The following PTK2 variants were observed in gnomAD, a reference collection of about 807,000 sequenced individuals.
PTK2 encodes focal adhesion kinase 1.
A neutral mutation model predicts 150.1 loss-of-function variants in PTK2; 45 were observed. The ratio of observed to expected loss-of-function variants is 0.30; its 90% CI spans 0.24 to 0.38. The LOEUF is 0.38. Among genes scored for constraint, PTK2 ranks in the 10% least tolerant of loss-of-function variants. The pLI, the probability that PTK2 is intolerant of heterozygous loss-of-function variation, is 1.00. For missense variants in PTK2, 919 were observed against 1,307.3 expected (o/e 0.70, Z 4.58); for synonymous variants, 432 against 449.2 (o/e 0.96, Z 0.48).
chr8:140,961,613 G>C (rs1230632072), intron 1 of PTK2, among the ~76,000 whole-genome samples: 1 of 151,762 alleles, frequency 6.6e-6, no homozygotes, highest in Non-Finnish European at 1.5e-5. Context: ...AGTGAGCCAA[G>C]GTCGCGCCAC....
intron 16 of PTK2, among the ~76,000 whole-genome samples, chr8:140,756,028 G>A (rs2100065486): frequency 6.6e-6 from 1 of 152,020 alleles, no homozygotes; most frequent in Admixed American, 6.6e-5. Context: ...ATATACACAA[G>A]AAAGAAATTC....
At chr8:140,767,979 T>G (rs1031844337) in intron 14 of PTK2, among the ~76,000 whole-genome samples, 1 of 151,802 alleles carries the variant, frequency 6.6e-6, no homozygotes, top group African/African-American at 2.4e-5. Context: ...CCCCCAAGGG[T>G]TAATTCAAAA....
intron 4 of PTK2, among the ~76,000 whole-genome samples, chr8:140,874,141 T>C (rs935980299): frequency 1.1e-4 from 17 of 152,126 alleles, no homozygotes; most frequent in South Asian, 4.1e-4. Context: ...AGCTCTTCCT[T>C]TCTCCCAGTG....
intron 12 of PTK2, 140 bp downstream of exon 12, chr8:140,800,316 GTCC>G: frequency 1.4e-6 from 1 of 713,018 alleles, no homozygotes; most frequent in South Asian, 1.7e-5. Flanking sequence ...AGAAAAATAA[GTCC>G]TCAGATTATA....
At chr8:140,788,132 G>A (rs7837141) in intron 14 of PTK2, among the ~76,000 whole-genome samples, 5,868 of 152,226 alleles carry the variant, frequency 0.039, 304 homozygotes, top group African/African-American at 0.11. Context: ...AAGAAGTCAC[G>A]ATTAAGCTTA....
chr8:140,701,087 T>C, intron 25 of PTK2, 65 bp from the exon 29 acceptor site: 1 of 1,486,858 alleles, frequency 6.7e-7, no homozygotes, highest in Non-Finnish European at 9.0e-7. Context: ...CTTACCTTGT[T>C]TTATGTGTCT....
intron 5 of PTK2, among the ~76,000 whole-genome samples, chr8:140,847,211 G>A (rs1244059483): frequency 1.3e-5 from 2 of 152,174 alleles, no homozygotes; most frequent in Non-Finnish European, 2.9e-5. Flanking sequence ...TTGGACTCCA[G>A]TGAAAAGGCA....
At chr8:140,745,699 C>T (rs1470573391) in intron 18 of PTK2, among the ~76,000 whole-genome samples, 1 of 152,076 alleles carries the variant, frequency 6.6e-6, no homozygotes, top group Non-Finnish European at 1.5e-5. Flanking sequence ...CAATTACTCA[C>T]ATTTTTAAAA....
At chr8:140,929,293 A>G (rs2100170875) in intron 1 of PTK2, among the ~76,000 whole-genome samples, 1 of 152,176 alleles carries the variant, frequency 6.6e-6, no homozygotes, top group Non-Finnish European at 1.5e-5. Context: ...AAATGTTAAA[A>G]CCATTTTTAA....
chr8:140,697,865 T>G (rs977347137), intron 26 of PTK2, among the ~76,000 whole-genome samples: 4,729 of 133,408 alleles, frequency 0.035, 98 homozygotes, highest in Non-Finnish European at 0.055. Flanking sequence ...TTTTTTTTTT[T>G]TTTTTTTTTT....
intron 14 of PTK2, among the ~76,000 whole-genome samples, chr8:140,787,512 T>G (rs949902610): frequency 6.6e-6 from 1 of 152,070 alleles, no homozygotes; most frequent in Admixed American, 6.6e-5. Context: ...AAAGTGGGGG[T>G]TGGCTGGAAG....
intron 20 of PTK2, among the ~76,000 whole-genome samples, chr8:140,739,643 T>C (rs1431397046): frequency 6.6e-6 from 1 of 152,204 alleles, no homozygotes; most frequent in East Asian, 1.9e-4. Flanking sequence ...CTCATTCTGA[T>C]AGGTTCCATT....
intron 2 of PTK2, chr8:140,920,688 A>G: frequency 1.1e-5 from 11 of 960,320 alleles, no homozygotes; most frequent in Non-Finnish European, 1.4e-5. Context: ...TACCAAATCT[A>G]TTTCCATTTT....
At chr8:140,784,521 T>G (rs1047122629) in intron 14 of PTK2, among the ~76,000 whole-genome samples, 1 of 152,152 alleles carries the variant, frequency 6.6e-6, no homozygotes, top group East Asian at 1.9e-4. Context: ...CTTTACTCAT[T>G]GATTTGGAAA....
chr8:140,933,141 G>A (rs1462666242), intron 1 of PTK2, among the ~76,000 whole-genome samples: 4 of 150,176 alleles, frequency 2.7e-5, no homozygotes, highest in African/African-American at 4.9e-5. Flanking sequence ...GTGAGCCACC[G>A]CACATGGCCC....
chr8:140,950,880 T>C (rs540086659), intron 1 of PTK2, among the ~76,000 whole-genome samples: 6 of 152,254 alleles, frequency 3.9e-5, no homozygotes, highest in Non-Finnish European at 5.9e-5. Context: ...ACAGGCTCCA[T>C]AGATTTTGGT....
chr8:140,960,516 C>A (rs2100182767), intron 1 of PTK2, among the ~76,000 whole-genome samples: 1 of 151,726 alleles, frequency 6.6e-6, no homozygotes, highest in East Asian at 1.9e-4. Context: ...CCCATTTTAA[C>A]CCTTAAAAAA....
At chr8:140,920,739 A>G in intron 2 of PTK2, 1 of 1,266,778 alleles carries the variant, frequency 7.9e-7, no homozygotes, top group Non-Finnish European at 1.0e-6. Flanking sequence ...TAAATTCTGA[A>G]AAACATTTAT....
intron 7 of PTK2, among the ~76,000 whole-genome samples, chr8:140,839,550 A>G (rs2100121017): frequency 6.6e-6 from 1 of 152,256 alleles, no homozygotes; most frequent in Non-Finnish European, 1.5e-5. Flanking sequence ...ATTACATCAC[A>G]TGAAATGGAA....
Sources: gnomAD v4.1 joint callset for allele counts (sites outside exome capture counted in the v4.1 genomes callset) on GRCh38, gnomAD v4.1.1 for gene constraint, MANE v1.5 for transcripts, NCBI Gene and HGNC (gene_info 2026-07-23, HGNC 2026-07-21) for gene names.